RNF122: variants seen among roughly 807,000 people sequenced by gnomAD.
RNF122 encodes the protein ring finger protein 122.
A neutral mutation model predicts 24.2 loss-of-function variants in RNF122; 17 were observed. The observed-to-expected ratio is 0.70, with a 90% confidence interval of 0.48 to 1.06. RNF122 has a LOEUF of 1.06. Ranked by LOEUF, RNF122 falls within the 50% of genes least tolerant of loss-of-function variation. The probability of loss-of-function intolerance (pLI) is 0.00; values close to 1 mark genes in which losing one functional copy is unlikely to be tolerated. For synonymous variants in RNF122, 65 were observed against 71.8 expected, an observed-to-expected ratio of 0.91 and a Z score of 0.48; for missense variants, 168 against 198.1, an observed-to-expected ratio of 0.85 and a Z score of 0.91.
At chr8:33,555,083 A>G (rs528775717) in intron 2 of RNF122, among the ~76,000 whole-genome samples, 3 of 152,340 alleles carry the variant, frequency 2.0e-5, no homozygotes, top group African/African-American at 7.2e-5. Context: ...GCTACAGACC[A>G]GGGCAGGGTG....
rs778196017 is a variant in RNF122 at position 33,549,403 on chromosome 8, C to T, written c.353+7G>A. 5.0e-5 allele frequency: 80 copies of T among 1,612,120 alleles called. No homozygotes were observed. Among genetic ancestry groups the T allele is most frequent in the Non-Finnish European group, 6.6e-5 (78 of 1,178,152 alleles). ...TCGACGGGCACCCTGGACACATTCCCACGTACTTGCGGTGAAAGGCGTGTT... is the reference window on the plus strand; with the variant it reads ...TCGACGGGCACCCTGGACACATTCCTACGTACTTGCGGTGAAAGGCGTGTT... On this transcript the variant is annotated splice_region_variant and intron_variant, in intron 5 of 5. Coordinates refer to ENST00000256257, the MANE Select transcript of RNF122 (RefSeq NM_024787.3).
intron 1 of RNF122, 76 bp downstream of exon 1, chr8:33,566,623 T>C: frequency 6.8e-7 from 1 of 1,461,006 alleles, no homozygotes; most frequent in Non-Finnish European, 9.4e-7. Flanking sequence ...ACCAGCGCGC[T>C]GCTGTCCGAC....
intron 1 of RNF122, among the ~76,000 whole-genome samples, chr8:33,566,207 C>T (rs904333682): frequency 1.3e-5 from 2 of 152,134 alleles, no homozygotes; most frequent in African/African-American, 4.8e-5. Flanking sequence ...GCCAGCAGCC[C>T]GTGGGAAACC....
rs1046786216 is a variant in RNF122 at position 33,566,921 on chromosome 8, G to C, written c.-198C>G. 61 of 627,658 alleles carry C rather than the reference G, an allele frequency of 9.7e-5. 2 individuals carry two copies. In the Admixed American group the frequency reaches 1.2e-3, roughly 13 times the overall value. The allele number at this position is 627,658 out of a possible 1,614,324, so 38.9% of individuals were successfully genotyped here. On this transcript the variant is annotated 5_prime_UTR_variant, in exon 1 of 6. Coordinates refer to ENST00000256257, the MANE Select transcript of RNF122 (RefSeq NM_024787.3). ...GGTGTTCAGCCCAACAAAGAGGGAC[G>C]AGGAGGAAACAAACAAAGTCCCGCG...
chr8:33,563,952 G>A (rs942672496), intron 1 of RNF122, among the ~76,000 whole-genome samples: 1 of 152,132 alleles, frequency 6.6e-6, no homozygotes, highest in Non-Finnish European at 1.5e-5. Context: ...GCCTGATAAA[G>A]GCTTCCCCTT....
At position 33,566,612 on chromosome 8, in the gene RNF122, G is replaced by C. The variant is rs373147519; in HGVS notation, c.25+87C>G. 73 of 1,379,686 alleles carry C rather than the reference G, an allele frequency of 5.3e-5. No homozygotes were observed. The East Asian group carries it at 1.2e-3, about 23-fold the overall frequency. 85.5% of individuals were successfully genotyped at this position (1,379,686 alleles called of 1,614,324 possible). A position where few individuals can be genotyped will look rare whatever the true frequency, so the allele number is the denominator to read the frequency against. ...AGGAGAAACTTGGTTCCCGAGGGAG[G>C]ACCAGCGCGCTGCTGTCCGACCTCG... On this transcript the variant is annotated intron_variant, in intron 1 of 5. Coordinates refer to ENST00000256257, the MANE Select transcript of RNF122 (RefSeq NM_024787.3).
chr8:33,565,817 C>A (rs1810614002), intron 1 of RNF122, among the ~76,000 whole-genome samples: 1 of 152,168 alleles, frequency 6.6e-6, no homozygotes, highest in African/African-American at 2.4e-5. Context: ...CCAGGGACAG[C>A]CGGGCGCGGA....
intron 1 of RNF122, among the ~76,000 whole-genome samples, chr8:33,559,526 G>A (rs191660890): frequency 2.0e-4 from 30 of 152,138 alleles, no homozygotes; most frequent in African/African-American, 4.3e-4. Context: ...GAAAATGAGC[G>A]CATAAGAAAA....
chr8:33,550,171 G>A (rs1428995108), intron 4 of RNF122, among the ~76,000 whole-genome samples: 11 of 152,134 alleles, frequency 7.2e-5, no homozygotes, highest in Admixed American at 7.2e-4. Context: ...GACCTCAGGT[G>A]AGCCACCCAC....
chr8:33,561,732 T>G (rs1045585112), intron 1 of RNF122, among the ~76,000 whole-genome samples: 2 of 151,956 alleles, frequency 1.3e-5, no homozygotes, highest in Non-Finnish European at 2.9e-5. Flanking sequence ...TAGTACAGAC[T>G]GGGTTTCACC....
At chr8:33,561,112 C>T (rs1000474742) in intron 1 of RNF122, among the ~76,000 whole-genome samples, 1 of 152,050 alleles carries the variant, frequency 6.6e-6, no homozygotes, top group African/African-American at 2.4e-5. Flanking sequence ...GTTACTTCCC[C>T]CCGCCAATGG....
At chr8:33,550,909 C>G (rs972909596) in intron 4 of RNF122, 135 bp downstream of exon 4, 2 of 794,408 alleles carry the variant, frequency 2.5e-6, no homozygotes, top group East Asian at 4.9e-5. Flanking sequence ...AGATGTGTCT[C>G]CATTATTTGG....
chr8:33,552,700 G>A (rs1320772379), intron 2 of RNF122, among the ~76,000 whole-genome samples: 3 of 152,080 alleles, frequency 2.0e-5, no homozygotes, highest in Non-Finnish European at 4.4e-5. Flanking sequence ...ATTTTTTGCC[G>A]TATTATTTTC....
At position 33,551,393 on chromosome 8, in the gene RNF122, G is replaced by C; in HGVS notation, c.183-4C>G. ...CTGTGCCTGGTTCCGCAGTTTGCTG[G>C]GAGAAAGAGAAAAAAATTAGAGAAA... On this transcript the variant is annotated splice_polypyrimidine_tract_variant and splice_region_variant and intron_variant, in intron 2 of 5. Transcript: ENST00000256257. 6.2e-7 allele frequency: 1 copy of C among 1,614,086 alleles called. No individual in the cohort carries two copies. The highest frequency in any genetic ancestry group is 8.5e-7 in the Non-Finnish European group (1 of 1,179,988).
At chr8:33,566,170 C>A (rs1279483803) in intron 1 of RNF122, among the ~76,000 whole-genome samples, 3 of 151,988 alleles carry the variant, frequency 2.0e-5, no homozygotes, top group Non-Finnish European at 4.4e-5. Flanking sequence ...ACTCTTTAAT[C>A]CAGTCTTCCG....
chr8:33,552,163 A>C (rs1810385284), intron 2 of RNF122, among the ~76,000 whole-genome samples: 1 of 152,162 alleles, frequency 6.6e-6, no homozygotes, highest in South Asian at 2.1e-4. Flanking sequence ...TAATCCCAGC[A>C]CTTTGGGAGG....
At chr8:33,550,572 G>A (rs528931440) in intron 4 of RNF122, among the ~76,000 whole-genome samples, 5 of 152,246 alleles carry the variant, frequency 3.3e-5, no homozygotes, top group Admixed American at 3.3e-4. Flanking sequence ...CTGGTGTATG[G>A]GTGGGAGTGG....
At chr8:33,564,639 G>A (rs1055507552) in intron 1 of RNF122, among the ~76,000 whole-genome samples, 2 of 152,124 alleles carry the variant, frequency 1.3e-5, no homozygotes, top group African/African-American at 4.8e-5. Flanking sequence ...TTGGGAGGCT[G>A]AGGTGGGCAG....
intron 1 of RNF122, among the ~76,000 whole-genome samples, chr8:33,564,941 G>T (rs1810599563): frequency 6.6e-6 from 1 of 152,192 alleles, no homozygotes; most frequent in Admixed American, 6.5e-5. Flanking sequence ...AAAGGGCGCT[G>T]CCCAGAAAGG....
Sources: allele counts gnomAD v4.1 joint callset (sites outside exome capture counted in the v4.1 genomes callset), GRCh38; gene constraint gnomAD v4.1.1; transcripts MANE v1.5; gene names NCBI Gene and HGNC (gene_info 2026-07-23, HGNC 2026-07-21).